The following NRIP1 variants were observed in gnomAD, a reference collection of about 807,000 sequenced individuals.
NRIP1 encodes the protein nuclear receptor-interacting protein 1.
NRIP1 carries 28 observed loss-of-function variants against 75.0 expected under a neutral mutation model. The observed-to-expected ratio is 0.37, with a 90% confidence interval of 0.28 to 0.51. NRIP1 has a LOEUF of 0.51. Ranked by LOEUF, NRIP1 falls within the 20% of genes least tolerant of loss-of-function variation. NRIP1 has a pLI of 0.92. For synonymous variants in NRIP1, 526 were observed against 487.6 expected, an observed-to-expected ratio of 1.08 and a Z score of -1.04; for missense variants, 1,435 against 1,343.7, an observed-to-expected ratio of 1.07 and a Z score of -1.06.
At chr21:14,975,068 G>A (rs1462754999) in intron 3 of NRIP1, among the ~76,000 whole-genome samples, 2 of 151,792 alleles carry the variant, frequency 1.3e-5, no homozygotes, top group East Asian at 2.0e-4. Flanking sequence ...AGCCATGATA[G>A]CACCTGTGCA....
chr21:15,015,125 A>G (rs538379736), intron 2 of NRIP1, among the ~76,000 whole-genome samples: 4 of 152,336 alleles, frequency 2.6e-5, no homozygotes, highest in Admixed American at 6.5e-5. Context: ...ATAAATATGG[A>G]TGAATCTCAA....
chr21:15,002,571 G>A (rs753976784), intron 3 of NRIP1, among the ~76,000 whole-genome samples: 4 of 151,946 alleles, frequency 2.6e-5, no homozygotes, highest in South Asian at 2.1e-4. Flanking sequence ...ACCATGCCTC[G>A]TTTTTTTAAT....
chr21:14,993,553 G>C (rs2087630404), intron 3 of NRIP1, among the ~76,000 whole-genome samples: 1 of 152,166 alleles, frequency 6.6e-6, no homozygotes, highest in South Asian at 2.1e-4. Flanking sequence ...GTATTTAATG[G>C]AGCAGTTATG....
At position 14,967,122 on chromosome 21, in the gene NRIP1, A is replaced by T. The variant is rs763990789; in HGVS notation, c.1071T>A (p.Pro357=). 26 of 1,613,914 alleles carry T rather than the reference A, an allele frequency of 1.6e-5. No homozygotes were observed. Among genetic ancestry groups the T allele is most frequent in the Non-Finnish European group, 2.0e-5 (24 of 1,179,972 alleles). The part of the protein sequence containing the change: ...QNPMGIIPSS[P]KNAGYKNSLE... ...GTGAGTTCTTATAACCTGCATTTTTAGGGGAAGAAGGAATGATACCCATTG... is the reference window on the plus strand; with the variant it reads ...GTGAGTTCTTATAACCTGCATTTTTTGGGGAAGAAGGAATGATACCCATTG... Residue 357 remains proline (P), a synonymous_variant, in exon 4 of 4, where the codon CCT becomes CCA. Transcript: ENST00000318948.
At chr21:15,014,662 A>G (rs918305008) in intron 2 of NRIP1, among the ~76,000 whole-genome samples, 196 bp from the exon 3 acceptor site, 2 of 152,216 alleles carry the variant, frequency 1.3e-5, no homozygotes, top group Non-Finnish European at 2.9e-5. Flanking sequence ...TTTCTAGGTA[A>G]TAATCGATAA....
At chr21:15,003,637 T>C (rs1490732815) in intron 3 of NRIP1, among the ~76,000 whole-genome samples, 1 of 152,172 alleles carries the variant, frequency 6.6e-6, no homozygotes, top group African/African-American at 2.4e-5. Context: ...CGTGTCCTCA[T>C]CTATAATCCA....
At chr21:15,020,816 G>T (rs2088355344) in intron 2 of NRIP1, among the ~76,000 whole-genome samples, 1 of 150,704 alleles carries the variant, frequency 6.6e-6, no homozygotes, top group East Asian at 1.9e-4. Context: ...ATCCACTAAA[G>T]ACATGAAATA....
chr21:15,037,186 G>A (rs1012781926), intron 2 of NRIP1, among the ~76,000 whole-genome samples: 4 of 152,074 alleles, frequency 2.6e-5, no homozygotes, highest in Non-Finnish European at 5.9e-5. Context: ...TAAAGTCTGA[G>A]TACTGTCATA....
intron 3 of NRIP1, among the ~76,000 whole-genome samples, chr21:14,983,700 C>A (rs1049263941): frequency 6.6e-6 from 1 of 152,172 alleles, no homozygotes; most frequent in Non-Finnish European, 1.5e-5. Flanking sequence ...TTGGTAAAGG[C>A]TGATGAAGCT....
At chr21:15,005,617 C>A (rs535563293) in intron 3 of NRIP1, among the ~76,000 whole-genome samples, 1 of 152,256 alleles carries the variant, frequency 6.6e-6, no homozygotes, top group African/African-American at 2.4e-5. Flanking sequence ...TAAATCTCTT[C>A]AAAGGTTTTC....
At chr21:15,046,804 C>A (rs1459360236) in intron 1 of NRIP1, among the ~76,000 whole-genome samples, 1 of 152,196 alleles carries the variant, frequency 6.6e-6, no homozygotes, top group Non-Finnish European at 1.5e-5. Context: ...ATCAGCATTA[C>A]CTGCTTCATC....
intron 2 of NRIP1, among the ~76,000 whole-genome samples, chr21:15,016,914 GAA>G (rs966151328): frequency 4.2e-5 from 6 of 141,492 alleles, no homozygotes; most frequent in Admixed American, 2.9e-4. Context: ...AGGAAGGAAA[GAA>G]AGAGAGAGAG....
intron 3 of NRIP1, among the ~76,000 whole-genome samples, chr21:15,009,451 G>T (rs1434613927): frequency 6.6e-6 from 1 of 152,144 alleles, no homozygotes; most frequent in Non-Finnish European, 1.5e-5. Flanking sequence ...TAAAAAGATG[G>T]CATGGACAAA....
intron 1 of NRIP1, among the ~76,000 whole-genome samples, chr21:15,063,629 G>T (rs2147445734): frequency 6.6e-6 from 1 of 152,182 alleles, no homozygotes; most frequent in South Asian, 2.1e-4. Flanking sequence ...CCTACAGATG[G>T]CTTCTCTTCC....
chr21:15,032,647 T>C (rs921580715), intron 2 of NRIP1, among the ~76,000 whole-genome samples: 2 of 152,204 alleles, frequency 1.3e-5, no homozygotes, highest in African/African-American at 2.4e-5. Flanking sequence ...AACTAAGGAC[T>C]TTAGTCCAGA....
intron 3 of NRIP1, among the ~76,000 whole-genome samples, chr21:14,977,987 C>T (rs773337653): frequency 1.1e-4 from 17 of 152,126 alleles, no homozygotes; most frequent in South Asian, 2.1e-4. Context: ...ACACCGGTGA[C>T]GAAAACAGCT....
chr21:15,044,658 A>G (rs555027601), intron 1 of NRIP1, among the ~76,000 whole-genome samples: 13 of 152,326 alleles, frequency 8.5e-5, no homozygotes, highest in Admixed American at 8.5e-4. Flanking sequence ...ATACATCTGT[A>G]AACCTGAATT....
At chr21:15,018,983 T>C (rs2088302464) in intron 2 of NRIP1, among the ~76,000 whole-genome samples, 1 of 152,050 alleles carries the variant, frequency 6.6e-6, no homozygotes, top group South Asian at 2.1e-4. Context: ...CTATTCCCTC[T>C]TCCCTATGTG....
chr21:14,994,307 T>A (rs939682612), intron 3 of NRIP1, among the ~76,000 whole-genome samples: 14 of 152,154 alleles, frequency 9.2e-5, no homozygotes, highest in Admixed American at 3.9e-4. Context: ...GTATTTTTAG[T>A]AGAGACGAGG....
Sources: allele counts gnomAD v4.1 joint callset (sites outside exome capture counted in the v4.1 genomes callset), GRCh38; gene constraint gnomAD v4.1.1; transcripts MANE v1.5; gene names NCBI Gene and HGNC (gene_info 2026-07-23, HGNC 2026-07-21).